Variants in NLK observed in about 807,000 individuals in gnomAD.
The protein encoded by NLK is serine/threonine-protein kinase NLK.
A neutral mutation model predicts 59.0 loss-of-function variants in NLK; 11 were observed. The observed-to-expected ratio is 0.19, with a 90% CI of 0.12 to 0.31. The LOEUF (loss-of-function observed/expected upper bound fraction) is 0.31, where lower values mean the gene tolerates loss of function less well. Among genes scored for constraint, NLK ranks in the 10% least tolerant of loss-of-function variants. The pLI, the probability that NLK is intolerant of heterozygous loss-of-function variation, is 1.00. For synonymous variants in NLK, 235 were observed against 235.9 expected (o/e 1.00, Z 0.03); for missense variants, 410 against 661.1 (o/e 0.62, Z 4.16).
At position 28,169,721 on chromosome 17, in the gene NLK, CTTTTTTT is replaced by C. The variant is rs1193124964; in HGVS notation, c.1047+1076_1047+1082del. On this transcript the variant is annotated intron_variant, in intron 6 of 10. Transcript: ENST00000407008. Reference sequence around the variant, plus strand: ...TCCTTTTTTTTTGCTGCTTCTTCTTCTTTTTTTTTTTTTTTTTTGGCCCCTAAAACTG... The same window carrying C: ...TCCTTTTTTTTTGCTGCTTCTTCTTCTTTTTTTTTTTGGCCCCTAAAACTG... Among the ~76,000 whole-genome samples the C allele has an allele frequency of 8.6e-3, 964 of 111,608 alleles. 16 individuals are homozygous for C. Among genetic ancestry groups the C allele is most frequent in the African/African-American group, 0.03 (888 of 29,280 alleles). The allele number at this position is 111,608 out of a possible 152,430, so 73.2% of individuals were successfully genotyped here. A position where few individuals can be genotyped will look rare whatever the true frequency, so the allele number is the denominator to read the frequency against.
intron 7 of NLK, among the ~76,000 whole-genome samples, chr17:28,184,351 C>G (rs1237345027): frequency 1.3e-5 from 2 of 152,154 alleles, no homozygotes; most frequent in Non-Finnish European, 2.9e-5. Context: ...TCTTTTCTCT[C>G]CCACCCCTAG....
chr17:28,059,966 T>A (rs1451453690), intron 1 of NLK, among the ~76,000 whole-genome samples: 1 of 152,212 alleles, frequency 6.6e-6, no homozygotes, highest in Non-Finnish European at 1.5e-5. Context: ...TAAGTATTTG[T>A]TACCTTTGTT....
intron 2 of NLK, among the ~76,000 whole-genome samples, chr17:28,126,309 A>G (rs553425520): frequency 1.8e-4 from 28 of 152,286 alleles, no homozygotes; most frequent in African/African-American, 6.7e-4. Flanking sequence ...CACCTACTAA[A>G]TTGTAATCTC....
rs945110952 is a variant in NLK at position 28,130,426 on chromosome 17, T to C, written c.589-2194T>C. ...GCAGGAGGATAAAACAACAGGCGTT[T>C]AAAAAATTCCAGGCATAGTTTAAAA... On this transcript the variant is annotated intron_variant, in intron 2 of 10. Coordinates refer to ENST00000407008, the MANE Select transcript of NLK (RefSeq NM_016231.5). Among the ~76,000 whole-genome samples, 8 of 152,266 alleles carry C rather than the reference T, an allele frequency of 5.3e-5. No homozygotes were observed. In the East Asian group the frequency reaches 1.3e-3, roughly 26 times the overall value.
At chr17:28,191,256 C>T (rs1229215956) in intron 9 of NLK, 37 bp downstream of exon 9, 7 of 1,495,650 alleles carry the variant, frequency 4.7e-6, no homozygotes, top group Non-Finnish European at 5.4e-6. Flanking sequence ...AGGCAATATG[C>T]CTAGTAACAT....
At chr17:28,134,403 C>A (rs1046610385) in intron 3 of NLK, among the ~76,000 whole-genome samples, 1 of 151,388 alleles carries the variant, frequency 6.6e-6, no homozygotes, top group Non-Finnish European at 1.5e-5. Context: ...CTCGCCCTCC[C>A]GCCAAAAAAA....
intron 3 of NLK, among the ~76,000 whole-genome samples, chr17:28,149,493 C>T (rs1185248093): frequency 1.3e-5 from 2 of 152,090 alleles, no homozygotes; most frequent in Admixed American, 6.5e-5. Flanking sequence ...CTGAAGAAAG[C>T]TTTTTTGTTG....
intron 10 of NLK, 71 bp from the exon 11 acceptor site, chr17:28,194,511 A>G (rs1909416258): frequency 9.3e-7 from 1 of 1,079,604 alleles, no homozygotes; most frequent in Non-Finnish European, 1.4e-6. Flanking sequence ...AGAGGAAAAC[A>G]GGAAGTAGTG....
chr17:28,131,586 T>TAAAAAAAAAAAAAAAAAAAAAAAAAA (rs35804817), intron 2 of NLK, among the ~76,000 whole-genome samples: 2 of 83,718 alleles, frequency 2.4e-5, no homozygotes, highest in African/African-American at 9.4e-5. Flanking sequence ...TTCTCTGTAG[T>TAAAAAAAAAAAAAAAAAAAAAAAAAA]AAAAAAAAAA....
chr17:28,202,135 C>T, the NLK span, among the ~76,000 whole-genome samples: 1 of 152,180 alleles, frequency 6.6e-6, no homozygotes, highest in Non-Finnish European at 1.5e-5. Flanking sequence ...GCCACTCAGA[C>T]CTGTAATCCC....
intron 2 of NLK, among the ~76,000 whole-genome samples, chr17:28,128,923 A>G (rs1245150044): frequency 1.3e-5 from 2 of 152,226 alleles, no homozygotes; most frequent in African/African-American, 4.8e-5. Context: ...AGCACTCTGA[A>G]TAAGTACTTT....
At chr17:28,202,063 T>TTG in the NLK span, among the ~76,000 whole-genome samples, 1 of 151,968 alleles carries the variant, frequency 6.6e-6, no homozygotes, top group Non-Finnish European at 1.5e-5. Flanking sequence ...AGAGAAAAAC[T>TTG]ATGTGACAAA....
chr17:28,061,782 A>G (rs1909648571), intron 1 of NLK, among the ~76,000 whole-genome samples: 1 of 146,524 alleles, frequency 6.8e-6, no homozygotes, highest in African/African-American at 2.5e-5. Flanking sequence ...ATACATATAC[A>G]TATATAATAT....
At position 28,159,500 on chromosome 17, in the gene NLK, CTA is replaced by C. The variant is rs778111254; in HGVS notation, c.645-1658_645-1657del. On this transcript the variant is annotated intron_variant, in intron 3 of 10. Coordinates refer to ENST00000407008, the MANE Select transcript of NLK (RefSeq NM_016231.5). Reference sequence around the variant, plus strand: ...AAAATAAGAAAAAGTTGAATAAAAACTATTAAAAACTATAACCCTGATGTCAT... The same window carrying C: ...AAAATAAGAAAAAGTTGAATAAAAACTTAAAAACTATAACCCTGATGTCAT... Among the ~76,000 whole-genome samples, 216 of 152,122 alleles carry C rather than the reference CTA, an allele frequency of 1.4e-3. 1 individual carries two copies. The highest frequency in any genetic ancestry group is 2.3e-3 in the Non-Finnish European group (154 of 67,978).
intron 1 of NLK, among the ~76,000 whole-genome samples, chr17:28,117,414 T>A (rs1905826980): frequency 6.6e-6 from 1 of 152,216 alleles, no homozygotes; most frequent in Non-Finnish European, 1.5e-5. Context: ...ATGGCTTACC[T>A]GTTGCTTAGC....
chr17:28,201,325 C>T (rs1909622930), downstream of NLK, among the ~76,000 whole-genome samples: 1 of 151,508 alleles, frequency 6.6e-6, no homozygotes, highest in African/African-American at 2.4e-5. Context: ...TCAAGTAATA[C>T]TCCAGCCTCA....
intron 1 of NLK, among the ~76,000 whole-genome samples, chr17:28,102,273 T>C (rs1184870524): frequency 6.6e-6 from 1 of 152,206 alleles, no homozygotes; most frequent in Non-Finnish European, 1.5e-5. Flanking sequence ...AAAGCTTATA[T>C]TAACTAATCT....
At chr17:28,065,891 A>G (rs763659409) in intron 1 of NLK, among the ~76,000 whole-genome samples, 18 of 152,088 alleles carry the variant, frequency 1.2e-4, no homozygotes, top group Non-Finnish European at 2.4e-4. Context: ...TCACACAGCT[A>G]TTTCTAACCA....
intron 1 of NLK, chr17:28,061,839 CATATATATA>C (rs1273430158): frequency 7.9e-5 from 11 of 138,654 alleles, no homozygotes; most frequent in East Asian, 2.0e-4. Flanking sequence ...TATACATATA[CATATATATA>C]ATATATAATA....
Sources: allele counts gnomAD v4.1 joint callset (sites outside exome capture counted in the v4.1 genomes callset), GRCh38; gene constraint gnomAD v4.1.1; transcripts MANE v1.5; gene names NCBI Gene and HGNC (gene_info 2026-07-23, HGNC 2026-07-21).